The following DNAH9 variants were observed in gnomAD, a reference collection of about 807,000 sequenced individuals.
The protein encoded by DNAH9 is DNAH9 variant protein.
A neutral mutation model predicts 471.6 loss-of-function variants in DNAH9; 345 were observed. That is an observed-to-expected ratio of 0.73 (90% CI 0.67 to 0.80). DNAH9 has a LOEUF of 0.80. DNAH9 is among the 30% of genes least tolerant of loss of function. The probability of loss-of-function intolerance (pLI) is 0.00; values close to 1 mark genes in which losing one functional copy is unlikely to be tolerated. For missense variants in DNAH9, 5,407 were observed against 5,609.2 expected (o/e 0.96, Z 1.15); for synonymous variants, 2,093 against 2,123.6 (o/e 0.99, Z 0.40).
At chr17:11,792,169 G>A (rs767468765) in intron 41 of DNAH9, among the ~76,000 whole-genome samples, 3 of 152,166 alleles carry the variant, frequency 2.0e-5, no homozygotes, top group Non-Finnish European at 4.4e-5. Context: ...AGCTACTCAG[G>A]AGGCTGAGGC....
chr17:11,946,663 CAAAAAAAA>C (rs754149437), intron 67 of DNAH9, among the ~76,000 whole-genome samples: 4 of 67,942 alleles, frequency 5.9e-5, no homozygotes, highest in Non-Finnish European at 8.0e-5. Flanking sequence ...GACTCCATCT[CAAAAAAAA>C]AAAAAAAAAG....
At chr17:11,843,855 G>GTATATATATATA (rs1329330705) in intron 49 of DNAH9, among the ~76,000 whole-genome samples, 10 of 9,222 alleles carry the variant, frequency 1.1e-3, no homozygotes, top group Admixed American at 2.3e-3. Context: ...GTGTGTGTGT[G>GTATATATATATA]TGTGTGTGTA....
intron 1 of DNAH9, among the ~76,000 whole-genome samples, chr17:11,604,416 T>G (rs1401829466): frequency 6.6e-6 from 1 of 152,126 alleles, no homozygotes; most frequent in Non-Finnish European, 1.5e-5. Context: ...GGGGCTGTCA[T>G]TCAATTTCAA....
intron 67 of DNAH9, among the ~76,000 whole-genome samples, chr17:11,951,847 T>C (rs1249013192): frequency 1.3e-5 from 2 of 149,122 alleles, no homozygotes; most frequent in East Asian, 4.0e-4. Context: ...TGCTTGAACC[T>C]GGAAGGCAGA....
chr17:11,910,583 T>C (rs1179807451), intron 61 of DNAH9, among the ~76,000 whole-genome samples: 1 of 152,214 alleles, frequency 6.6e-6, no homozygotes, highest in African/African-American at 2.4e-5. Context: ...GGGAGTAGAA[T>C]TGCTGGGTCA....
Position 11,889,873 on chromosome 17 carries a change from C to T in DNAH9, c.11113-1904C>T, listed in dbSNP as rs1052963979. Among the ~76,000 whole-genome samples, 3 of 152,234 alleles carry T rather than the reference C, an allele frequency of 2.0e-5. No individual in the cohort carries two copies. The South Asian group carries it at 6.2e-4, about 32-fold the overall frequency. Reference sequence around the variant, plus strand: ...GGTAGTTTGAGTCAATGATAAGACCCCATGGGCAGGAGAAGGGACCTTCTG... The same window carrying T: ...GGTAGTTTGAGTCAATGATAAGACCTCATGGGCAGGAGAAGGGACCTTCTG... On this transcript the variant is annotated intron_variant, in intron 57 of 68. Coordinates refer to ENST00000262442, the MANE Select transcript of DNAH9 (RefSeq NM_001372.4).
chr17:11,659,714 C>T (rs375478407), intron 14 of DNAH9, among the ~76,000 whole-genome samples: 1 of 152,346 alleles, frequency 6.6e-6, no homozygotes, highest in South Asian at 2.1e-4. Flanking sequence ...CTTTCTACCC[C>T]TACATCAGCA....
intron 59 of DNAH9, among the ~76,000 whole-genome samples, chr17:11,898,844 C>A (rs1412670038): frequency 1.3e-5 from 2 of 152,210 alleles, no homozygotes; most frequent in Non-Finnish European, 2.9e-5. Context: ...AAGCTACGTA[C>A]AATTTAGTTT....
intron 49 of DNAH9, among the ~76,000 whole-genome samples, chr17:11,850,357 G>A (rs1389207484): frequency 2.0e-5 from 3 of 152,252 alleles, no homozygotes; most frequent in Middle Eastern, 3.4e-3. Context: ...TCTGAGAAGT[G>A]TTTCTCCCAG....
chr17:11,784,179 A>G, intron 40 of DNAH9, 121 bp from the exon 41 acceptor site: 1 of 1,495,728 alleles, frequency 6.7e-7, no homozygotes, highest in Non-Finnish European at 9.1e-7. Flanking sequence ...AGTGTGAGAG[A>G]TGGGACCAAA....
intron 45 of DNAH9, among the ~76,000 whole-genome samples, chr17:11,811,595 T>C (rs1969903124): frequency 6.6e-6 from 1 of 152,164 alleles, no homozygotes; most frequent in African/African-American, 2.4e-5. Context: ...CCTTTCAGTC[T>C]CATCACTCCA....
chr17:11,784,378 C>T lies in DNAH9; in HGVS notation c.7900C>T (p.His2634Tyr). Residue 2634 changes from histidine (H) to tyrosine (Y), a missense_variant, in exon 41 of 69, where the codon CAT becomes TAT. His to Tyr is a moderately conservative substitution (Grantham distance 83, BLOSUM62 2). This residue lies in a region of DNAH9 where 4,636 missense variants were observed against 4,900.3 expected (regional missense o/e 0.95). Coordinates refer to ENST00000262442, the MANE Select transcript of DNAH9 (RefSeq NM_001372.4). ...TATCTACAGCATCATCCTCACTCAGCATCTGAAGCTCGGAAACTTCCCGGC... is the reference window on the plus strand; with the variant it reads ...TATCTACAGCATCATCCTCACTCAGTATCTGAAGCTCGGAAACTTCCCGGC... ...SSIYSIILTQHLKLGNFPASL... is the reference protein window; with the variant it reads ...SSIYSIILTQYLKLGNFPASL... 1.2e-6 allele frequency: 2 copies of T among 1,614,192 alleles called. No individual in the cohort carries two copies. Among genetic ancestry groups the T allele is most frequent in the Non-Finnish European group, 1.7e-6 (2 of 1,180,036 alleles).
At chr17:11,923,314 T>C (rs61305587) in intron 61 of DNAH9, among the ~76,000 whole-genome samples, 28,248 of 151,390 alleles carry the variant, frequency 0.19, 2,707 homozygotes, top group East Asian at 0.27. Flanking sequence ...TGACCTCAGG[T>C]GATCCACCTG....
Position 11,881,416 on chromosome 17 carries a change from G to A in DNAH9, c.10806+3G>A. 1 of 1,607,548 alleles carries A rather than the reference G, an allele frequency of 6.2e-7. No homozygotes were observed. The highest frequency in any genetic ancestry group is 8.5e-7 in the Non-Finnish European group (1 of 1,176,666). On this transcript the variant is annotated splice_donor_region_variant and intron_variant, in intron 55 of 68. Coordinates refer to ENST00000262442, the MANE Select transcript of DNAH9 (RefSeq NM_001372.4). ...GGCCAGACTTGGAGCAGCTGAAGGT[G>A]AGGACAGAAGGGAGAAAATGTTCTG...
At chr17:11,695,228 G>T (rs1370121900) in intron 22 of DNAH9, among the ~76,000 whole-genome samples, 1 of 152,064 alleles carries the variant, frequency 6.6e-6, no homozygotes, top group Non-Finnish European at 1.5e-5. Flanking sequence ...TTGCTGCTCA[G>T]CATGCCCTCT....
intron 42 of DNAH9, among the ~76,000 whole-genome samples, chr17:11,794,655 G>A (rs764890688): frequency 5.9e-5 from 9 of 152,056 alleles, no homozygotes; most frequent in African/African-American, 1.2e-4. Flanking sequence ...CTGACTTTTC[G>A]TTGCACAACC....
intron 15 of DNAH9, among the ~76,000 whole-genome samples, chr17:11,668,268 C>T (rs891918789): frequency 6.6e-6 from 1 of 152,168 alleles, no homozygotes; most frequent in African/African-American, 2.4e-5. Flanking sequence ...CATGTCTGTA[C>T]ATCGTTGACA....
intron 1 of DNAH9, 84 bp downstream of exon 1, chr17:11,598,999 A>C: frequency 1.8e-4 from 35 of 191,894 alleles, no homozygotes; most frequent in Non-Finnish European, 2.2e-4. Context: ...GCGGGGCCAG[A>C]GGGGGCGGGG....
At chr17:11,707,055 G>T (rs2074715202) in intron 26 of DNAH9, among the ~76,000 whole-genome samples, 2 of 152,212 alleles carry the variant, frequency 1.3e-5, no homozygotes, top group African/African-American at 4.8e-5. Flanking sequence ...ACAGGTAAAG[G>T]ACAGTGAGGG....
Sources: gnomAD v4.1 joint callset for allele counts (sites outside exome capture counted in the v4.1 genomes callset) on GRCh38, gnomAD v4.1.1 for gene constraint, gnomAD v4.1.1 regional missense constraint, MANE v1.5 for transcripts, NCBI Gene and HGNC (gene_info 2026-07-23, HGNC 2026-07-21) for gene names.